BTG4: variants seen among roughly 807,000 people sequenced by gnomAD.
The protein encoded by BTG4 is protein BTG4.
BTG4 carries 10 observed loss-of-function variants against 19.3 expected under a neutral mutation model. The ratio of observed to expected loss-of-function variants is 0.52; its 90% CI spans 0.32 to 0.88. The LOEUF (loss-of-function observed/expected upper bound fraction) is 0.88, where lower values mean the gene tolerates loss of function less well. Ranked by LOEUF, BTG4 falls within the 40% of genes least tolerant of loss-of-function variation. BTG4 has a pLI of 0.04. For missense variants in BTG4, 238 were observed against 281.9 expected, an observed-to-expected ratio of 0.84 and a Z score of 1.11; for synonymous variants, 91 against 95.7, an observed-to-expected ratio of 0.95 and a Z score of 0.29.
At chr11:111,460,833 G>A in the BTG4 span, among the ~76,000 whole-genome samples, 141 of 152,242 alleles carry the variant, frequency 9.3e-4, no homozygotes, top group Non-Finnish European at 1.6e-3. Context: ...TTTAAAGTAT[G>A]TCAATGAAGA....
At chr11:111,416,284 C>T in the BTG4 span, 8 of 152,080 alleles carry the variant, frequency 5.3e-5, no homozygotes, top group Non-Finnish European at 8.8e-5. Flanking sequence ...GGAAAACAAA[C>T]TGGGCCTCTC....
the BTG4 span, among the ~76,000 whole-genome samples, chr11:111,436,270 G>A: frequency 6.6e-6 from 1 of 152,084 alleles, no homozygotes; most frequent in Non-Finnish European, 1.5e-5. Context: ...AACTGGTGAC[G>A]ACCACCTCCA....
chr11:111,474,979 T>C (rs1483409598), intron 5 of BTG4: 3 of 152,594 alleles, frequency 2.0e-5, no homozygotes, highest in African/African-American at 7.2e-5. Context: ...CATTAGATTG[T>C]GCCTATTTTT....
chr11:111,454,140 T>C, the BTG4 span: 1 of 375,786 alleles, frequency 2.7e-6, no homozygotes, highest in Non-Finnish European at 5.2e-6. Context: ...GCCTGGACTG[T>C]TGAGGCTCTA....
chr11:111,465,210 A>C (rs560460938), downstream of BTG4, among the ~76,000 whole-genome samples: 6 of 152,186 alleles, frequency 3.9e-5, no homozygotes, highest in South Asian at 1.2e-3. Flanking sequence ...AGTAACAGAA[A>C]ATGCATGTGT....
At chr11:111,401,883 T>C in the BTG4 span, among the ~76,000 whole-genome samples, 1 of 152,360 alleles carries the variant, frequency 6.6e-6, no homozygotes, top group East Asian at 1.9e-4. Context: ...AATGAATGAA[T>C]GGTATTATTC....
intron 5 of BTG4, among the ~76,000 whole-genome samples, chr11:111,473,861 T>G (rs1864231253): frequency 6.6e-6 from 1 of 152,136 alleles, no homozygotes; most frequent in African/African-American, 2.4e-5. Flanking sequence ...GTCCACTGTC[T>G]TCTCATTCAG....
upstream of BTG4, among the ~76,000 whole-genome samples, chr11:111,512,681 C>G (rs1278108586): frequency 6.6e-6 from 1 of 152,100 alleles, no homozygotes; most frequent in African/African-American, 2.4e-5. Flanking sequence ...CCTGGCACTC[C>G]TGGGGGTCAT....
chr11:111,415,145 C>A, the BTG4 span, among the ~76,000 whole-genome samples: 2 of 152,176 alleles, frequency 1.3e-5, no homozygotes, highest in Non-Finnish European at 2.9e-5. Context: ...CAGGTGGCAA[C>A]TGCACCTGCC....
chr11:111,500,631 A>G (rs982943270), intron 1 of BTG4, among the ~76,000 whole-genome samples: 5 of 151,978 alleles, frequency 3.3e-5, no homozygotes, highest in Non-Finnish European at 7.4e-5. Context: ...ACAGCTCACC[A>G]TGCTGGGTAC....
At chr11:111,391,166 A>C in the BTG4 span, among the ~76,000 whole-genome samples, 1 of 152,182 alleles carries the variant, frequency 6.6e-6, no homozygotes, top group African/African-American at 2.4e-5. Flanking sequence ...CTGAAGTTGG[A>C]GAGCAAGTTC....
chr11:111,466,009 G>C (rs1863698346), downstream of BTG4, among the ~76,000 whole-genome samples: 1 of 152,084 alleles, frequency 6.6e-6, no homozygotes, highest in Admixed American at 6.6e-5. Flanking sequence ...CTCCTTTAAG[G>C]GTTCCCAGCC....
downstream of BTG4, chr11:111,466,854 C>T (rs1358239963): frequency 6.6e-6 from 1 of 152,662 alleles, no homozygotes; most frequent in Non-Finnish European, 1.5e-5. Flanking sequence ...CCAGTATGGC[C>T]TCTCCATCCT....
chr11:111,416,191 C>A, the BTG4 span, among the ~76,000 whole-genome samples: 176 of 152,168 alleles, frequency 1.2e-3, 1 homozygote, highest in African/African-American at 4.1e-3. Context: ...AGCTGGGGTA[C>A]TACTGAGGGT....
At chr11:111,502,927 G>A (rs572354021) in intron 1 of BTG4, among the ~76,000 whole-genome samples, 29 of 152,284 alleles carry the variant, frequency 1.9e-4, no homozygotes, top group African/African-American at 5.5e-4. Context: ...GTTTCCTTCC[G>A]TTACTTGTTT....
At chr11:111,389,549 T>C in the BTG4 span, among the ~76,000 whole-genome samples, 3 of 152,232 alleles carry the variant, frequency 2.0e-5, no homozygotes, top group Non-Finnish European at 2.9e-5. Flanking sequence ...TGGGTATCCA[T>C]GATCCGTGGT....
chr11:111,491,134 A>G (rs1865389632), downstream of BTG4, among the ~76,000 whole-genome samples: 1 of 152,250 alleles, frequency 6.6e-6, no homozygotes, highest in Non-Finnish European at 1.5e-5. Context: ...AAGGTTACCT[A>G]CAGTATGATT....
the BTG4 span, among the ~76,000 whole-genome samples, chr11:111,411,688 A>T: frequency 6.6e-6 from 1 of 152,354 alleles, no homozygotes; most frequent in East Asian, 1.9e-4. Flanking sequence ...TTCAGATGAT[A>T]CCGTTGCTGC....
the BTG4 span, among the ~76,000 whole-genome samples, chr11:111,401,807 A>T: frequency 1.3e-5 from 2 of 152,162 alleles, no homozygotes; most frequent in Non-Finnish European, 2.9e-5. Flanking sequence ...TTTTCTGCCC[A>T]TCACTGTATC....
Sources: allele counts gnomAD v4.1 joint callset (sites outside exome capture counted in the v4.1 genomes callset), GRCh38; gene constraint gnomAD v4.1.1; transcripts MANE v1.5; gene names NCBI Gene and HGNC (gene_info 2026-07-23, HGNC 2026-07-21).